Variants in ALK observed in about 807,000 individuals in gnomAD.
ALK encodes ALK receptor tyrosine kinase.
A neutral mutation model predicts 163.1 loss-of-function variants in ALK; 74 were observed. That is an observed-to-expected ratio of 0.45 (90% CI 0.38 to 0.55). ALK has a LOEUF of 0.55. Ranked by LOEUF, ALK falls within the 20% of genes least tolerant of loss-of-function variation. The probability of loss-of-function intolerance (pLI) is 0.00; values close to 1 mark genes in which losing one functional copy is unlikely to be tolerated. For synonymous variants in ALK, 960 were observed against 843.2 expected, an observed-to-expected ratio of 1.14 and a Z score of -2.40; for missense variants, 2,063 against 2,105.3, an observed-to-expected ratio of 0.98 and a Z score of 0.39.
At chr2:29,875,284 A>C (rs930797001) in intron 1 of ALK, among the ~76,000 whole-genome samples, 2 of 152,230 alleles carry the variant, frequency 1.3e-5, no homozygotes, top group Non-Finnish European at 2.9e-5. Context: ...CTTAATGAGT[A>C]CAGAGTTTCT....
chr2:29,626,669 G>C (rs1287551353), intron 3 of ALK, among the ~76,000 whole-genome samples: 1 of 152,218 alleles, frequency 6.6e-6, no homozygotes, highest in Non-Finnish European at 1.5e-5. Flanking sequence ...AGGACACAGT[G>C]ACAAGGTGGC....
chr2:29,779,577 C>T (rs1181002990), intron 1 of ALK, among the ~76,000 whole-genome samples: 1 of 152,226 alleles, frequency 6.6e-6, no homozygotes, highest in East Asian at 1.9e-4. Context: ...GCAGAATGCT[C>T]GGTGGATGTT....
intron 1 of ALK, among the ~76,000 whole-genome samples, chr2:29,862,666 G>C (rs527311956): frequency 1.3e-5 from 2 of 152,200 alleles, no homozygotes; most frequent in Admixed American, 1.3e-4. Context: ...TGGATTAGAA[G>C]AATGTCTTCT....
chr2:29,737,239 C>T (rs1191782358), intron 1 of ALK, among the ~76,000 whole-genome samples: 1 of 152,022 alleles, frequency 6.6e-6, no homozygotes, highest in Non-Finnish European at 1.5e-5. Context: ...GGAGGCTATA[C>T]ATGAAAATGT....
intron 3 of ALK, among the ~76,000 whole-genome samples, chr2:29,543,337 T>A (rs1210827133): frequency 6.6e-6 from 1 of 152,216 alleles, no homozygotes; most frequent in African/African-American, 2.4e-5. Context: ...CAGGAGAGAC[T>A]AGGGAGGCTA....
chr2:29,722,779 G>A (rs1224463794), intron 1 of ALK, among the ~76,000 whole-genome samples: 1 of 152,042 alleles, frequency 6.6e-6, no homozygotes, highest in Non-Finnish European at 1.5e-5. Context: ...CCACTTTATT[G>A]CCCAATAAGC....
At chr2:29,815,079 T>C (rs1250801872) in intron 1 of ALK, among the ~76,000 whole-genome samples, 1 of 148,894 alleles carries the variant, frequency 6.7e-6, no homozygotes, top group African/African-American at 2.5e-5. Flanking sequence ...ATCATAGAAA[T>C]CTAGAGTGTT....
At chr2:29,808,700 C>T (rs1330206917) in intron 1 of ALK, among the ~76,000 whole-genome samples, 1 of 152,148 alleles carries the variant, frequency 6.6e-6, no homozygotes, top group Non-Finnish European at 1.5e-5. Context: ...GGTTTTGGGC[C>T]TTCTGGTGGC....
intron 1 of ALK, among the ~76,000 whole-genome samples, chr2:29,781,161 C>T (rs935172209): frequency 1.3e-5 from 2 of 152,192 alleles, no homozygotes; most frequent in African/African-American, 4.8e-5. Context: ...ATTTAAAAGA[C>T]ACCCACTTAC....
intron 18 of ALK, 37 bp from the exon 19 acceptor site, chr2:29,225,602 A>G (rs1663954673): frequency 6.4e-7 from 1 of 1,555,096 alleles, no homozygotes; most frequent in South Asian, 1.2e-5. Flanking sequence ...TGACAACCAC[A>G]CCAGGTCTCC....
At chr2:29,380,240 G>A (rs1668863091) in intron 5 of ALK, among the ~76,000 whole-genome samples, 2 of 151,906 alleles carry the variant, frequency 1.3e-5, no homozygotes, top group South Asian at 2.1e-4. Context: ...CGGGGAGCTG[G>A]GACTACAGCC....
intron 11 of ALK, among the ~76,000 whole-genome samples, chr2:29,264,409 C>T (rs1358514): frequency 0.6 from 91,120 of 152,158 alleles, 29,284 homozygotes; most frequent in East Asian, 0.76. Context: ...CATTCACACA[C>T]ATGTGTGCTT....
rs2148137222 is a variant in ALK, at chr2:29,193,330, T to A, written c.4757A>T (p.Tyr1586Phe). The change falls in exon 29 of 29, where the codon TAC becomes TTC. Residue 1586 changes from tyrosine (Y) to phenylalanine (F), a missense_variant. By Grantham distance (22) the Tyr-to-Phe change is conservative. This residue lies in a region of ALK where 403 missense variants were observed against 366.2 expected (regional missense o/e 1.10). Transcript: ENST00000389048. ...HFPCGNVNYGYQQQGLPLEAA... is the reference protein window; with the variant it reads ...HFPCGNVNYGFQQQGLPLEAA... ...TTCTAAGGGCAAGCCCTGTTGCTGG[T>A]AGCCGTAATTGACATTCCCACAAGG... 6.2e-7 allele frequency: 1 copy of A among 1,614,202 alleles called. No individual in the cohort carries two copies. The highest frequency in any genetic ancestry group is 1.1e-5 in the South Asian group (1 of 91,090).
chr2:29,279,102 C>T (rs1225720185), intron 9 of ALK, among the ~76,000 whole-genome samples: 2 of 152,206 alleles, frequency 1.3e-5, no homozygotes, highest in Non-Finnish European at 2.9e-5. Context: ...CGAAGTCTCT[C>T]ACAGCCACTG....
At chr2:29,387,076 T>C (rs1465404173) in intron 4 of ALK, among the ~76,000 whole-genome samples, 2 of 152,176 alleles carry the variant, frequency 1.3e-5, no homozygotes, top group Non-Finnish European at 2.9e-5. Context: ...GTGTTGGGGA[T>C]TTGTGACTGT....
intron 3 of ALK, among the ~76,000 whole-genome samples, chr2:29,549,166 A>G (rs990591068): frequency 8.7e-5 from 13 of 149,514 alleles, no homozygotes; most frequent in Non-Finnish European, 1.8e-4. Context: ...ACACACGCAC[A>G]CACACACGGA....
chr2:29,209,293 C>T (rs1300540756), intron 25 of ALK, among the ~76,000 whole-genome samples: 1 of 152,070 alleles, frequency 6.6e-6, no homozygotes, highest in East Asian at 1.9e-4. Context: ...GTAATCCCAG[C>T]ACTTTGGGAA....
At chr2:29,517,949 A>T (rs902676080) in intron 4 of ALK, among the ~76,000 whole-genome samples, 1 of 152,208 alleles carries the variant, frequency 6.6e-6, no homozygotes, top group African/African-American at 2.4e-5. Context: ...TGAGACCACC[A>T]AGTCAAACTC....
intron 2 of ALK, among the ~76,000 whole-genome samples, chr2:29,695,838 T>C (rs570689197): frequency 3.9e-5 from 6 of 152,192 alleles, no homozygotes; most frequent in Non-Finnish European, 7.3e-5. Context: ...CCAGTTAGAA[T>C]GGCGATCATT....
Sources: allele counts gnomAD v4.1 joint callset (sites outside exome capture counted in the v4.1 genomes callset), GRCh38; gene constraint gnomAD v4.1.1; regional missense constraint gnomAD v4.1.1; transcripts MANE v1.5; gene names NCBI Gene and HGNC (gene_info 2026-07-23, HGNC 2026-07-21).